Variants in PTPRH observed in about 807,000 individuals in gnomAD.
PTPRH encodes receptor-type tyrosine-protein phosphatase H.
PTPRH carries 113 observed loss-of-function variants against 130.2 expected under a neutral mutation model. That is an observed-to-expected ratio of 0.87 (90% CI 0.75 to 1.01). The LOEUF is 1.01. Among genes scored for constraint, PTPRH ranks in the 50% least tolerant of loss-of-function variants. The probability of loss-of-function intolerance (pLI) is 0.00; values close to 1 mark genes in which losing one functional copy is unlikely to be tolerated. For synonymous variants in PTPRH, 556 were observed against 577.9 expected, an observed-to-expected ratio of 0.96 and a Z score of 0.54; for missense variants, 1,430 against 1,425.0, an observed-to-expected ratio of 1.00 and a Z score of -0.06.
chr19:55,193,899 A>G, intron 10 of PTPRH: 2 of 203,686 alleles, frequency 9.8e-6, no homozygotes, highest in Admixed American at 5.4e-5. Flanking sequence ...CCCAGGCCGG[A>G]GTGCAATGGT....
chr19:55,201,321 G>A (rs1287680257), intron 6 of PTPRH, among the ~76,000 whole-genome samples: 3 of 152,200 alleles, frequency 2.0e-5, no homozygotes, highest in South Asian at 2.1e-4. Context: ...AGGCTGCAGC[G>A]AGCTACGATC....
At position 55,200,378 on chromosome 19, in the gene PTPRH, G is replaced by A. The variant is rs139891947; in HGVS notation, c.1278C>T (p.Asp426=). The change falls in exon 7 of 20, where the codon GAC becomes GAT. Residue 426 remains aspartate, a synonymous_variant. Coordinates refer to ENST00000376350, the MANE Select transcript of PTPRH (RefSeq NM_002842.5). The part of the protein sequence containing the change: ...DYTYWVEYTG[D]GGGTETRNTT... ...TGTTTCGGGTCTCTGTGCCACCACC[G>A]TCTCCAGTGTACTCTACCCAGTAGG... 46 of 1,614,020 alleles carry A rather than the reference G, an allele frequency of 2.9e-5. No individual in the cohort carries two copies. The Admixed American group carries it at 3.2e-4, about 11-fold the overall frequency.
chr19:55,195,198 G>A (rs1441596620), intron 10 of PTPRH, among the ~76,000 whole-genome samples: 2 of 152,122 alleles, frequency 1.3e-5, no homozygotes, highest in East Asian at 1.9e-4. Flanking sequence ...GGTAGGAGGC[G>A]CCTATAATCC....
Position 55,185,638 on chromosome 19 carries a change from C to A in PTPRH, c.2926G>T (p.Val976Leu), listed in dbSNP as rs751095187. 6.2e-7 allele frequency: 1 copy of A among 1,614,154 alleles called. No individual in the cohort carries two copies. Among genetic ancestry groups the A allele is most frequent in the Admixed American group, 1.7e-5 (1 of 60,016 alleles). The change falls in exon 18 of 20, where the codon GTG becomes TTG. Residue 976 changes from valine to leucine, a missense_variant. Coordinates refer to ENST00000376350, the MANE Select transcript of PTPRH (RefSeq NM_002842.5). The part of the protein sequence containing the change: ...LQVEEQKTLS[V>L]RQFHYQAWPD... Reference sequence around the variant, plus strand: ...CAGGCCTGGTAGTGGAATTGGCGCACAGACAGTGTCTTCTGCTCCTCCACC... The same window carrying A: ...CAGGCCTGGTAGTGGAATTGGCGCAAAGACAGTGTCTTCTGCTCCTCCACC...
chr19:55,186,994 G>T (rs2086357439), intron 14 of PTPRH, among the ~76,000 whole-genome samples: 1 of 151,024 alleles, frequency 6.6e-6, no homozygotes, highest in African/African-American at 2.4e-5. Context: ...GCAGTGAGCG[G>T]AGGTGGTGCC....
At position 55,197,402 on chromosome 19, in the gene PTPRH, T is replaced by C; in HGVS notation, c.1705A>G (p.Thr569Ala). ...GTCTGAGTTTCATTCTGGAGATCTG[T>C]GACCTCATTGGGAGCTGAGAAGTGA... Reference protein sequence around the residue: ...LTAATAPNEVTDLQNETQTKN... With the variant: ...LTAATAPNEVADLQNETQTKN... The change falls in exon 9 of 20, where the codon ACA becomes GCA. Residue 569 changes from threonine (T) to alanine (A), a missense_variant. Transcript: ENST00000376350. 1 of 1,612,504 alleles carries C rather than the reference T, an allele frequency of 6.2e-7. No individual in the cohort carries two copies. Among genetic ancestry groups the C allele is most frequent in the Non-Finnish European group, 8.5e-7 (1 of 1,178,584 alleles).
At chr19:55,186,079 G>T (rs1490505607) in intron 16 of PTPRH, 95 bp from the exon 17 acceptor site, 3 of 1,595,184 alleles carry the variant, frequency 1.9e-6, no homozygotes, top group Non-Finnish European at 2.6e-6. Flanking sequence ...AGATGGGCTG[G>T]GGGGAGAGTG....
At chr19:55,188,941 A>G (rs866684004) in intron 12 of PTPRH, among the ~76,000 whole-genome samples, 70 of 152,244 alleles carry the variant, frequency 4.6e-4, no homozygotes, top group African/African-American at 1.6e-3. Flanking sequence ...CTGGACGCAC[A>G]CTTCTTACAG....
At chr19:55,191,638 C>A (rs374044543) in intron 11 of PTPRH, 25 bp downstream of exon 11, 1 of 1,612,402 alleles carries the variant, frequency 6.2e-7, no homozygotes, top group Non-Finnish European at 8.5e-7. Flanking sequence ...ACCCTCCAGG[C>A]GGTCAGCCCT....
intron 12 of PTPRH, among the ~76,000 whole-genome samples, 181 bp from the exon 13 acceptor site, chr19:55,188,349 C>A (rs1901092478): frequency 6.6e-6 from 1 of 152,088 alleles, no homozygotes; most frequent in African/African-American, 2.4e-5. Context: ...CCCATCTCTA[C>A]TAGAACTACA....
At chr19:55,201,148 A>G (rs1402878355) in intron 6 of PTPRH, among the ~76,000 whole-genome samples, 1 of 152,004 alleles carries the variant, frequency 6.6e-6, no homozygotes, top group Non-Finnish European at 1.5e-5. Flanking sequence ...TGTGGGGCTG[A>G]GGTAGGGAGA....
At chr19:55,189,787 C>T (rs2086471386) in intron 12 of PTPRH, 1 of 452,982 alleles carries the variant, frequency 2.2e-6, no homozygotes, top group African/African-American at 2.0e-5. Context: ...TCAAGACCAG[C>T]CTGGGCAACC....
chr19:55,190,500 T>TTA (rs901135470), intron 12 of PTPRH, among the ~76,000 whole-genome samples: 6 of 141,180 alleles, frequency 4.2e-5, no homozygotes, highest in South Asian at 2.1e-4. Context: ...AATTTATATA[T>TTA]TATATTATAT....
intron 12 of PTPRH, chr19:55,189,707 G>A (rs1427458495): frequency 2.2e-6 from 1 of 456,064 alleles, no homozygotes; most frequent in African/African-American, 2.0e-5. Context: ...CCTGCTGGGT[G>A]CAGCGGCTCA....
intron 7 of PTPRH, among the ~76,000 whole-genome samples, chr19:55,199,485 G>T (rs536067338): frequency 6.6e-6 from 1 of 152,040 alleles, no homozygotes; most frequent in Admixed American, 6.6e-5. Context: ...CGTGCCTGTT[G>T]TCACAGCTAC....
At chr19:55,198,946 C>A in intron 7 of PTPRH, 34 bp from the exon 8 acceptor site, 1 of 1,489,504 alleles carries the variant, frequency 6.7e-7, no homozygotes. Context: ...ATTTCCACAT[C>A]CCCTAGTCCT....
At chr19:55,188,760 T>A (rs1254880453) in intron 12 of PTPRH, among the ~76,000 whole-genome samples, 1 of 152,148 alleles carries the variant, frequency 6.6e-6, no homozygotes, top group Non-Finnish European at 1.5e-5. Context: ...TTAGCACCAC[T>A]GCCTGTGCCT....
In PTPRH at chr19:55,181,749, G is replaced by A. The variant is rs766202814; in HGVS notation, c.*5C>T. The A allele has an allele frequency of 1.5e-5, 25 of 1,613,866 alleles. No individual in the cohort carries two copies. The East Asian group carries it at 2.4e-4, about 16-fold the overall frequency. On this transcript the variant is annotated 3_prime_UTR_variant, in exon 20 of 20. Transcript: ENST00000376350. Reference sequence around the variant, plus strand: ...CCTGGGCTGCCGACCCAGCCCCCTCGTCACTTAGACCTCCAACTTGTGGGC... The same window carrying A: ...CCTGGGCTGCCGACCCAGCCCCCTCATCACTTAGACCTCCAACTTGTGGGC...
rs369546139 is a variant in PTPRH, at chr19:55,187,497, G to A, written c.2566+16C>T. On this transcript the variant is annotated intron_variant, in intron 14 of 19. Transcript: ENST00000376350. ...GATCAGGGCTGGGACAAAAGCAGCA[G>A]GAACCCGAGACTCACAGGGCAGCAC... 4.3e-4 allele frequency: 696 copies of A among 1,603,084 alleles called. 10 individuals are homozygous for A. In the South Asian group the frequency reaches 4.8e-3, roughly 11 times the overall value.
Sources: allele counts gnomAD v4.1 joint callset (sites outside exome capture counted in the v4.1 genomes callset), GRCh38; gene constraint gnomAD v4.1.1; transcripts MANE v1.5; gene names NCBI Gene and HGNC (gene_info 2026-07-23, HGNC 2026-07-21).